LARS2: variants seen among roughly 807,000 people sequenced by gnomAD.
LARS2 encodes leucyl-tRNA synthetase 2, mitochondrial.
LARS2 carries 81 observed loss-of-function variants against 116.6 expected under a neutral mutation model. The ratio of observed to expected loss-of-function variants is 0.69; its 90% CI spans 0.58 to 0.84. LARS2 has a LOEUF of 0.84. Ranked by LOEUF, LARS2 falls within the 40% of genes least tolerant of loss-of-function variation. LARS2 has a pLI of 0.00. For synonymous variants in LARS2, 396 were observed against 407.2 expected, an observed-to-expected ratio of 0.97 and a Z score of 0.33; for missense variants, 968 against 1,114.5, an observed-to-expected ratio of 0.87 and a Z score of 1.87.
intron 10 of LARS2, among the ~76,000 whole-genome samples, chr3:45,480,869 T>G (rs1221955287): frequency 6.6e-6 from 1 of 152,220 alleles, no homozygotes; most frequent in Non-Finnish European, 1.5e-5. Context: ...ACACTACATT[T>G]TTTTATATTA....
At chr3:45,464,704 C>T (rs568740142) in intron 8 of LARS2, among the ~76,000 whole-genome samples, 11 of 152,238 alleles carry the variant, frequency 7.2e-5, no homozygotes, top group South Asian at 2.1e-4. Flanking sequence ...GTGCATACTG[C>T]GCCTTCTAAG....
At chr3:45,423,294 C>T (rs1559463909) in intron 6 of LARS2, among the ~76,000 whole-genome samples, 1 of 151,852 alleles carries the variant, frequency 6.6e-6, no homozygotes, top group Non-Finnish European at 1.5e-5. Context: ...AGATGTTAGT[C>T]CTAATTTACT....
rs1443258646 is a variant in LARS2 at position 45,505,361 on chromosome 3, C to A, written c.1760+4782C>A. Among the ~76,000 whole-genome samples the A allele has an allele frequency of 1.3e-5, 2 of 151,706 alleles. 1 individual carries two copies. Among genetic ancestry groups the A allele is most frequent in the Non-Finnish European group, 2.9e-5 (2 of 67,872 alleles). On this transcript the variant is annotated intron_variant, in intron 15 of 21. Coordinates refer to ENST00000645846, the MANE Select transcript of LARS2 (RefSeq NM_015340.4). Reference sequence around the variant, plus strand: ...CTCCATGGGCTAGAGAGAATTGATTCAAACTTAAGTTAAAAACCAAATACA... The same window carrying A: ...CTCCATGGGCTAGAGAGAATTGATTAAAACTTAAGTTAAAAACCAAATACA...
chr3:45,547,611 C>A lies in LARS2; in HGVS notation c.*81C>A. Reference sequence around the variant, plus strand: ...GGGATGAGGGGGCGATGTCTGCTGGCCCAGGGGAAGGGAAAAGACAAATGT... The same window carrying A: ...GGGATGAGGGGGCGATGTCTGCTGGACCAGGGGAAGGGAAAAGACAAATGT... On this transcript the variant is annotated 3_prime_UTR_variant, in exon 22 of 22. Coordinates refer to ENST00000645846, the MANE Select transcript of LARS2 (RefSeq NM_015340.4). 7.7e-7 allele frequency: 1 copy of A among 1,301,042 alleles called. No individual in the cohort carries two copies. The highest frequency in any genetic ancestry group is 1.4e-5 in the South Asian group (1 of 71,148). The allele number at this position is 1,301,042 out of a possible 1,614,324, so 80.6% of individuals were successfully genotyped here.
intron 3 of LARS2, among the ~76,000 whole-genome samples, chr3:45,395,767 A>G (rs977452890): frequency 1.3e-5 from 2 of 152,190 alleles, no homozygotes; most frequent in African/African-American, 4.8e-5. Context: ...GAGGAGAGCT[A>G]TTTGTGTTAA....
chr3:45,446,187 A>G (rs878855836), intron 6 of LARS2, among the ~76,000 whole-genome samples: 5 of 152,236 alleles, frequency 3.3e-5, no homozygotes, highest in South Asian at 2.1e-4. Flanking sequence ...ACGTGACAGT[A>G]TAGAGGTTTT....
At chr3:45,455,961 TAG>T (rs1344844410) in intron 7 of LARS2, among the ~76,000 whole-genome samples, 1 of 151,754 alleles carries the variant, frequency 6.6e-6, no homozygotes, top group East Asian at 1.9e-4. Flanking sequence ...TTCATAGAAG[TAG>T]AGAGTAGAAT....
At chr3:45,447,750 A>C (rs1246167891) in intron 7 of LARS2, among the ~76,000 whole-genome samples, 1 of 152,182 alleles carries the variant, frequency 6.6e-6, no homozygotes, top group Non-Finnish European at 1.5e-5. Context: ...GAAAGATTAA[A>C]GGTAATAGTT....
intron 4 of LARS2, among the ~76,000 whole-genome samples, chr3:45,417,135 A>ATGTG (rs373432873): frequency 6.6e-6 from 1 of 150,528 alleles, no homozygotes; most frequent in Non-Finnish European, 1.5e-5. Flanking sequence ...CCTATACATT[A>ATGTG]TGTGTGTGTG....
Position 45,447,018 on chromosome 3 carries a change from A to C in LARS2, c.606+38A>C, listed in dbSNP as rs371977616. The C allele has an allele frequency of 2.4e-6, 3 of 1,229,614 alleles. No individual in the cohort carries two copies. The African/African-American group carries it at 4.5e-5, about 19-fold the overall frequency. The allele number at this position is 1,229,614 out of a possible 1,614,324, so 76.2% of individuals were successfully genotyped here. On this transcript the variant is annotated intron_variant, in intron 7 of 21. Transcript: ENST00000645846. Reference sequence around the variant, plus strand: ...TAGCTGGACTTTTAAAATTCAGTGAATCTCTTTAGGATACATCATTGTAGT... The same window carrying C: ...TAGCTGGACTTTTAAAATTCAGTGACTCTCTTTAGGATACATCATTGTAGT...
intron 15 of LARS2, among the ~76,000 whole-genome samples, chr3:45,505,451 C>T (rs928867400): frequency 1.3e-5 from 2 of 151,488 alleles, no homozygotes; most frequent in Admixed American, 1.3e-4. Flanking sequence ...TTTGGGAGAC[C>T]AAGGTGGAAG....
At chr3:45,415,908 G>T (rs1698413274) in intron 4 of LARS2, among the ~76,000 whole-genome samples, 1 of 146,462 alleles carries the variant, frequency 6.8e-6, no homozygotes, top group African/African-American at 2.7e-5. Context: ...GAGAGAGAGA[G>T]AGAGAGAGAG....
chr3:45,455,367 G>A (rs190756198), intron 7 of LARS2, among the ~76,000 whole-genome samples: 10 of 151,210 alleles, frequency 6.6e-5, no homozygotes, highest in Non-Finnish European at 1.2e-4. Context: ...AGGGATATAC[G>A]GTGCTCTTTT....
At chr3:45,442,858 C>T (rs191407816) in intron 6 of LARS2, among the ~76,000 whole-genome samples, 9 of 152,300 alleles carry the variant, frequency 5.9e-5, no homozygotes, top group African/African-American at 1.7e-4. Flanking sequence ...TTTAATCAGC[C>T]TGTGATTATA....
rs35323496 is a variant in LARS2 at position 45,428,239 on chromosome 3, G to GTTTTTTT, written c.516+8526_516+8532dup. ...TAACAAAAATGTACTATCTTAACCTGTTTTTTTTTTTTTTTTTTTTTTGAG... is the reference window on the plus strand; with the variant it reads ...TAACAAAAATGTACTATCTTAACCTGTTTTTTTTTTTTTTTTTTTTTTTTTTTTTGAG... On this transcript the variant is annotated intron_variant, in intron 6 of 21. Transcript: ENST00000645846. Among the ~76,000 whole-genome samples, 251 of 84,168 alleles carry GTTTTTTT rather than the reference G, an allele frequency of 3.0e-3. 2 individuals carry two copies. The highest frequency in any genetic ancestry group is 3.8e-3 in the Non-Finnish European group (186 of 48,754). 55.2% of individuals were successfully genotyped at this position (84,168 alleles called of 152,430 possible).
intron 10 of LARS2, among the ~76,000 whole-genome samples, chr3:45,477,178 C>G (rs1392621299): frequency 6.6e-6 from 1 of 152,222 alleles, no homozygotes; most frequent in Non-Finnish European, 1.5e-5. Flanking sequence ...TCAAGTTGTA[C>G]TTGGTCTGTG....
At chr3:45,509,249 T>C (rs569376207) in intron 15 of LARS2, 2 of 152,254 alleles carry the variant, frequency 1.3e-5, no homozygotes, top group African/African-American at 4.8e-5. Context: ...AGGCCCCTGC[T>C]GTGCACAGTC....
chr3:45,537,515 A>T (rs1255590743), intron 20 of LARS2, among the ~76,000 whole-genome samples: 1 of 152,202 alleles, frequency 6.6e-6, no homozygotes, highest in African/African-American at 2.4e-5. Context: ...TGATGCTCTG[A>T]TAGTTTTTTA....
intron 8 of LARS2, among the ~76,000 whole-genome samples, chr3:45,460,130 C>A (rs1263593375): frequency 2.0e-5 from 3 of 152,232 alleles, no homozygotes; most frequent in Non-Finnish European, 4.4e-5. Context: ...ACATAAAAGA[C>A]ATGTCTTAAA....
Sources: allele counts gnomAD v4.1 joint callset (sites outside exome capture counted in the v4.1 genomes callset), GRCh38; gene constraint gnomAD v4.1.1; transcripts MANE v1.5; gene names NCBI Gene and HGNC (gene_info 2026-07-23, HGNC 2026-07-21).